EYS: variants seen among roughly 807,000 people sequenced by gnomAD.
The protein encoded by EYS is protein eyes shut homolog.
A neutral mutation model predicts 282.1 loss-of-function variants in EYS; 250 were observed. That is an observed-to-expected ratio of 0.89 (90% CI 0.80 to 0.98). The LOEUF is 0.98. Ranked by LOEUF, EYS falls within the 50% of genes least tolerant of loss-of-function variation. The pLI, the probability that EYS is intolerant of heterozygous loss-of-function variation, is 0.00. For missense variants in EYS, 4,016 were observed against 3,709.0 expected, an observed-to-expected ratio of 1.08 and a Z score of -2.15; for synonymous variants, 1,355 against 1,282.9, an observed-to-expected ratio of 1.06 and a Z score of -1.20.
At chr6:65,620,558 T>C (rs1259005019) in intron 2 of EYS, among the ~76,000 whole-genome samples, 6 of 151,182 alleles carry the variant, frequency 4.0e-5, no homozygotes, top group Non-Finnish European at 1.5e-5. Context: ...TTCCTTCAGT[T>C]CTGCTCTGAT....
chr6:64,956,849 TG>T (rs1488217052), intron 14 of EYS, among the ~76,000 whole-genome samples: 1 of 152,164 alleles, frequency 6.6e-6, no homozygotes, highest in Non-Finnish European at 1.5e-5. Context: ...TTAACATCAC[TG>T]ATTATCAGAG....
At chr6:65,237,311 C>T (rs1019309980) in intron 12 of EYS, among the ~76,000 whole-genome samples, 1 of 152,194 alleles carries the variant, frequency 6.6e-6, no homozygotes, top group Admixed American at 6.5e-5. Flanking sequence ...ACACTTAGGA[C>T]ACTACTTGAA....
intron 37 of EYS, among the ~76,000 whole-genome samples, chr6:63,791,177 T>C (rs1308115178): frequency 1.3e-5 from 2 of 152,048 alleles, no homozygotes; most frequent in East Asian, 1.9e-4. Flanking sequence ...AGCAAGAGCT[T>C]GTTAGATGAA....
intron 18 of EYS, among the ~76,000 whole-genome samples, chr6:64,895,224 C>A (rs1767420506): frequency 6.6e-6 from 1 of 152,078 alleles, no homozygotes; most frequent in Admixed American, 6.5e-5. Flanking sequence ...GCAAATTTCA[C>A]CAATTCTAAA....
chr6:64,313,799 T>C (rs536644688), intron 29 of EYS, among the ~76,000 whole-genome samples: 3 of 152,120 alleles, frequency 2.0e-5, no homozygotes, highest in Non-Finnish European at 4.4e-5. Context: ...ATAAAATTCA[T>C]TACAGACAAG....
In EYS at chr6:64,146,328, T is replaced by A. The variant is rs140852781; in HGVS notation, c.6425-64326A>T. 8.1e-3 allele frequency among the ~76,000 whole-genome samples: 1,239 copies of A among 152,230 alleles called. 9 individuals carry two copies. The highest frequency in any genetic ancestry group is 0.014 in the Non-Finnish European group (930 of 67,998). On this transcript the variant is annotated intron_variant, in intron 31 of 42. Transcript: ENST00000503581. ...ACATGAATGTGTCACCAGAAGTGTG[T>A]GGGTTTATTTAAGATTAATCACTGC...
At chr6:64,621,668 T>C (rs75942744) in intron 23 of EYS, among the ~76,000 whole-genome samples, 2,232 of 152,320 alleles carry the variant, frequency 0.015, 45 homozygotes, top group East Asian at 0.096. Context: ...TATGTTTGTT[T>C]CTCTGTTTTC....
chr6:63,847,639 C>T (rs545071993), intron 36 of EYS, among the ~76,000 whole-genome samples: 81 of 152,276 alleles, frequency 5.3e-4, no homozygotes, highest in African/African-American at 1.9e-3. Context: ...TGTTGCCAGA[C>T]TAATGTTTTT....
At chr6:64,925,499 A>C (rs1768486964) in intron 15 of EYS, among the ~76,000 whole-genome samples, 1 of 152,160 alleles carries the variant, frequency 6.6e-6, no homozygotes, top group Non-Finnish European at 1.5e-5. Context: ...CCTCCTAATG[A>C]GCAAGGGTGG....
chr6:64,460,941 C>A (rs1416650368), intron 26 of EYS, among the ~76,000 whole-genome samples: 2 of 152,098 alleles, frequency 1.3e-5, no homozygotes, highest in East Asian at 3.9e-4. Context: ...ATTCATTCTT[C>A]TCAAAATTTG....
intron 1 of EYS, among the ~76,000 whole-genome samples, chr6:65,667,967 G>A (rs1047455876): frequency 6.6e-6 from 1 of 151,818 alleles, no homozygotes; most frequent in Admixed American, 6.6e-5. Context: ...TTGTACAACA[G>A]CAACTGAGAA....
intron 14 of EYS, among the ~76,000 whole-genome samples, chr6:64,952,598 C>G (rs1468549094): frequency 6.6e-6 from 1 of 151,924 alleles, no homozygotes; most frequent in Non-Finnish European, 1.5e-5. Context: ...CTACTTCCAC[C>G]AATCCCTGAC....
At chr6:64,903,827 C>T (rs994718275) in intron 16 of EYS, among the ~76,000 whole-genome samples, 1 of 152,092 alleles carries the variant, frequency 6.6e-6, no homozygotes, top group Non-Finnish European at 1.5e-5. Context: ...GCAAACCTGC[C>T]TCCCGTTGCA....
chr6:65,462,864 C>G (rs1437325676), intron 5 of EYS, among the ~76,000 whole-genome samples: 1 of 152,034 alleles, frequency 6.6e-6, no homozygotes, highest in Non-Finnish European at 1.5e-5. Flanking sequence ...ATTTCATTCT[C>G]ATTATATTTA....
chr6:63,869,131 T>G (rs1196638266), intron 35 of EYS, among the ~76,000 whole-genome samples: 4 of 152,098 alleles, frequency 2.6e-5, no homozygotes, highest in Admixed American at 1.3e-4. Context: ...TATAGAAACT[T>G]TTTTCTTTAT....
At chr6:63,833,588 T>C (rs1045289621) in intron 36 of EYS, among the ~76,000 whole-genome samples, 1 of 152,226 alleles carries the variant, frequency 6.6e-6, no homozygotes, top group African/African-American at 2.4e-5. Flanking sequence ...GACCATTCCA[T>C]GCTCATGGAT....
At chr6:65,261,116 T>A (rs1176883059) in intron 12 of EYS, among the ~76,000 whole-genome samples, 1 of 152,008 alleles carries the variant, frequency 6.6e-6, no homozygotes, top group Non-Finnish European at 1.5e-5. Context: ...TACGAACATT[T>A]TAAGAGCAGA....
intron 22 of EYS, among the ~76,000 whole-genome samples, chr6:64,796,761 C>T (rs1774366841): frequency 6.6e-6 from 1 of 152,056 alleles, no homozygotes; most frequent in Non-Finnish European, 1.5e-5. Context: ...ATTTCTATTA[C>T]AATGAAGAGT....
chr6:65,566,113 A>G (rs1485223274), intron 2 of EYS, among the ~76,000 whole-genome samples: 1 of 151,636 alleles, frequency 6.6e-6, no homozygotes, highest in Non-Finnish European at 1.5e-5. Flanking sequence ...AAAAGAATTG[A>G]GCAAACATAT....
Sources: allele counts gnomAD v4.1 joint callset (sites outside exome capture counted in the v4.1 genomes callset), GRCh38; gene constraint gnomAD v4.1.1; transcripts MANE v1.5; gene names NCBI Gene and HGNC (gene_info 2026-07-23, HGNC 2026-07-21).